TMC7: variants seen among roughly 807,000 people sequenced by gnomAD.
TMC7 encodes the protein transmembrane channel-like protein 7.
Under a neutral mutation model 82.9 loss-of-function variants are expected in TMC7, and 54 were observed. The observed-to-expected ratio is 0.65, with a 90% CI of 0.52 to 0.82. TMC7 has a LOEUF of 0.82. TMC7 is among the 40% of genes least tolerant of loss of function. The probability of loss-of-function intolerance (pLI) is 0.00; values close to 1 mark genes in which losing one functional copy is unlikely to be tolerated. For synonymous variants in TMC7, 350 were observed against 337.9 expected (o/e 1.04, Z -0.39); for missense variants, 820 against 901.2 (o/e 0.91, Z 1.15).
In TMC7 at chr16:19,026,429, A is replaced by T. The variant is rs542287644; in HGVS notation, c.711+3234A>T. Among the ~76,000 whole-genome samples, 18 of 151,666 alleles carry T rather than the reference A, an allele frequency of 1.2e-4. No homozygotes were observed. In the East Asian group the frequency reaches 3.4e-3, roughly 28 times the overall value. On this transcript the variant is annotated intron_variant, in intron 5 of 15. Coordinates refer to ENST00000304381, the MANE Select transcript of TMC7 (RefSeq NM_024847.4). ...GAGGTGGAGCTTGCAGCGAGCCGAGATCATGCCACTGCACTCCAGCCTGGG... is the reference window on the plus strand; with the variant it reads ...GAGGTGGAGCTTGCAGCGAGCCGAGTTCATGCCACTGCACTCCAGCCTGGG...
chr16:18,989,632 G>A (rs12932110), intron 1 of TMC7, among the ~76,000 whole-genome samples: 35,463 of 136,268 alleles, frequency 0.26, 5,062 homozygotes, highest in Non-Finnish European at 0.32. Flanking sequence ...GTCTAGTGGC[G>A]AAGGAGGCAG....
In TMC7 at chr16:19,009,166, A is replaced by G. The variant is rs375964288; in HGVS notation, c.68-6A>G. 38 of 1,610,914 alleles carry G rather than the reference A, an allele frequency of 2.4e-5. No homozygotes were observed. The African/African-American group carries it at 3.5e-4, about 15-fold the overall frequency. On this transcript the variant is annotated splice_polypyrimidine_tract_variant and splice_region_variant and intron_variant, in intron 1 of 15. Transcript: ENST00000304381. The stretch of plus-strand genomic sequence containing the variant: ...GTGAATGATGACTTTCTTTTCTTTT[A>G]CATAGAGAACCTCTCTCTAGACTCC...
intron 2 of TMC7, among the ~76,000 whole-genome samples, chr16:19,010,450 G>T (rs186111625): frequency 1.3e-5 from 2 of 152,104 alleles, no homozygotes; most frequent in Non-Finnish European, 2.9e-5. Context: ...TACCGTGCCT[G>T]GCAGAAGTTT....
At chr16:19,030,448 A>G in intron 6 of TMC7, 79 bp downstream of exon 6, 1 of 1,504,428 alleles carries the variant, frequency 6.6e-7, no homozygotes. Context: ...TCTGGAAGCC[A>G]TTGCCTAAAG....
rs552067429 is a variant in TMC7, at chr16:18,998,772, G to A, written c.68-10400G>A. Among the ~76,000 whole-genome samples the A allele has an allele frequency of 6.0e-5, 9 of 150,478 alleles. 1 individual carries two copies. In the South Asian group the frequency reaches 1.9e-3, roughly 32 times the overall value. ...CTGTCTCAAAAAAAAAAAAAGAAAA[G>A]CAGGGGCTTGAGGGCTTGAGTTCCA... On this transcript the variant is annotated intron_variant, in intron 1 of 15. Coordinates refer to ENST00000304381, the MANE Select transcript of TMC7 (RefSeq NM_024847.4).
chr16:19,003,495 G>T (rs1205921635), intron 1 of TMC7, among the ~76,000 whole-genome samples: 2 of 150,200 alleles, frequency 1.3e-5, no homozygotes, highest in East Asian at 2.0e-4. Context: ...GAAGTGAGGA[G>T]CCCCTCTGCC....
At chr16:19,048,756 AAC>A (rs779434804) in intron 12 of TMC7, among the ~76,000 whole-genome samples, 32 of 152,252 alleles carry the variant, frequency 2.1e-4, no homozygotes, top group Admixed American at 7.9e-4. Flanking sequence ...TACAATATTA[AAC>A]ATTTAAATAA....
At chr16:19,019,707 T>G (rs756867905) in intron 3 of TMC7, among the ~76,000 whole-genome samples, 10 of 152,106 alleles carry the variant, frequency 6.6e-5, no homozygotes, top group Admixed American at 2.0e-4. Flanking sequence ...TGTGAAGTGG[T>G]AGGCTTTCTT....
At chr16:19,031,473 AC>A (rs529463324) in intron 6 of TMC7, among the ~76,000 whole-genome samples, 98 of 152,342 alleles carry the variant, frequency 6.4e-4, no homozygotes, top group Non-Finnish European at 1.1e-3. Flanking sequence ...AACAACAGGT[AC>A]AAAAGGCACA....
intron 8 of TMC7, 73 bp from the exon 9 acceptor site, chr16:19,040,216 C>CT (rs1960948488): frequency 7.5e-7 from 1 of 1,326,258 alleles, no homozygotes. Flanking sequence ...TAGTTGAGTT[C>CT]TTTTTTGTTC....
In TMC7 at chr16:18,984,094, C is replaced by T; in HGVS notation, c.31C>T (p.Pro11Ser). The T allele has an allele frequency of 1.3e-6, 2 of 1,502,970 alleles. No homozygotes were observed. Among genetic ancestry groups the T allele is most frequent in the East Asian group, 2.7e-5 (1 of 36,966 alleles). The allele number at this position is 1,502,970 out of a possible 1,614,324, so 93.1% of individuals were successfully genotyped here. Residue 11 changes from proline to serine, a missense_variant, in exon 1 of 16, where the codon CCC (proline) becomes TCC (serine). This residue lies in a region of TMC7 where 650 missense variants were observed against 669.9 expected (regional missense o/e 0.97). Transcript: ENST00000304381. MSESSGSALQ[P>S]GRPSRQPAVH... ...CGAGTCCAGCGGCAGTGCGCTCCAG[C>T]CCGGCAGGCCCAGCCGGCAGCCGGC...
chr16:19,058,341 T>C lies in TMC7; in HGVS notation c.2028-1075T>C, dbSNP rs537997283. The stretch of plus-strand genomic sequence containing the variant: ...GTTGCAGTGAGCTGAGATCGCGCCA[T>C]TGCACTCAAGCCTGGGCAACGAGAG... On this transcript the variant is annotated intron_variant, in intron 14 of 15. Coordinates refer to ENST00000304381, the MANE Select transcript of TMC7 (RefSeq NM_024847.4). Among the ~76,000 whole-genome samples, 5 of 152,146 alleles carry C rather than the reference T, an allele frequency of 3.3e-5. No individual in the cohort carries two copies. The South Asian group carries it at 8.3e-4, about 25-fold the overall frequency.
At position 19,035,540 on chromosome 16, in the gene TMC7, G is replaced by A. The variant is rs117367411; in HGVS notation, c.858-136G>A. 1,338 of 922,662 alleles carry A rather than the reference G, an allele frequency of 1.5e-3. 2 individuals carry two copies. Among genetic ancestry groups the A allele is most frequent in the Non-Finnish European group, 2.1e-3 (1,237 of 588,460 alleles). 57.2% of individuals were successfully genotyped at this position (922,662 alleles called of 1,614,324 possible). A position where few individuals can be genotyped will look rare whatever the true frequency, so the allele number is the denominator to read the frequency against. On this transcript the variant is annotated intron_variant, in intron 6 of 15. Coordinates refer to ENST00000304381, the MANE Select transcript of TMC7 (RefSeq NM_024847.4). ...GTTAGCTGCCACATATATTTAGAAT[G>A]GCCCCAAACTTGACCATGTCACAAT...
In TMC7 at chr16:19,061,889, C is replaced by T; in HGVS notation, c.*46C>T. On this transcript the variant is annotated 3_prime_UTR_variant, in exon 16 of 16. Coordinates refer to ENST00000304381, the MANE Select transcript of TMC7 (RefSeq NM_024847.4). ...GTGCTGCCTGTTGCTTCTAAGCTGA[C>T]CTAGTGATTCTGCTGAGCCTACAGA... The T allele has an allele frequency of 1.3e-6, 2 of 1,531,430 alleles. No individual in the cohort carries two copies. Among genetic ancestry groups the T allele is most frequent in the Non-Finnish European group, 1.8e-6 (2 of 1,115,210 alleles). The allele number at this position is 1,531,430 out of a possible 1,614,324, so 94.9% of individuals were successfully genotyped here. A position where few individuals can be genotyped will look rare whatever the true frequency, so the allele number is the denominator to read the frequency against.
At chr16:19,018,049 G>A (rs1353608665) in intron 3 of TMC7, among the ~76,000 whole-genome samples, 1 of 152,178 alleles carries the variant, frequency 6.6e-6, no homozygotes, top group South Asian at 2.1e-4. Flanking sequence ...TAGGCAGGAG[G>A]ATCACCTGAG....
At chr16:19,027,088 A>T (rs1438047798) in intron 5 of TMC7, among the ~76,000 whole-genome samples, 13 of 7,912 alleles carry the variant, frequency 1.6e-3, no homozygotes, top group Admixed American at 4.2e-3. Context: ...TTTTTTTTTT[A>T]AAGACAGAGT....
At position 19,030,111 on chromosome 16, in the gene TMC7, A is replaced by T. The variant is rs1162025793; in HGVS notation, c.712-113A>T. 8 of 1,064,386 alleles carry T rather than the reference A, an allele frequency of 7.5e-6. No individual in the cohort carries two copies. In the African/African-American group the frequency reaches 1.1e-4, roughly 15 times the overall value. The allele number at this position is 1,064,386 out of a possible 1,614,324, so 65.9% of individuals were successfully genotyped here. A position where few individuals can be genotyped will look rare whatever the true frequency, so the allele number is the denominator to read the frequency against. ...TCTGGGGCTGTTCCAGTCTCTGGGGATACAGAGAGGAAAGGGGACACTGGA... is the reference window on the plus strand; with the variant it reads ...TCTGGGGCTGTTCCAGTCTCTGGGGTTACAGAGAGGAAAGGGGACACTGGA... On this transcript the variant is annotated intron_variant, in intron 5 of 15. Transcript: ENST00000304381.
intron 9 of TMC7, among the ~76,000 whole-genome samples, chr16:19,044,532 G>T (rs1961170544): frequency 6.6e-6 from 1 of 151,776 alleles, no homozygotes; most frequent in Non-Finnish European, 1.5e-5. Flanking sequence ...GGGCACCGTG[G>T]CTCACACCTA....
At chr16:18,986,807 C>T (rs2038858382) in intron 1 of TMC7, among the ~76,000 whole-genome samples, 1 of 146,730 alleles carries the variant, frequency 6.8e-6, no homozygotes, top group Non-Finnish European at 1.5e-5. Flanking sequence ...CCTCTTGGTT[C>T]TTTTTTTTTT....
Sources: allele counts gnomAD v4.1 joint callset (sites outside exome capture counted in the v4.1 genomes callset), GRCh38; gene constraint gnomAD v4.1.1; regional missense constraint gnomAD v4.1.1; transcripts MANE v1.5; gene names NCBI Gene and HGNC (gene_info 2026-07-23, HGNC 2026-07-21).